SUGCT: variants seen among roughly 807,000 people sequenced by gnomAD.
SUGCT encodes the protein succinyl-CoA:glutarate-CoA transferase.
Under a neutral mutation model 55.0 loss-of-function variants are expected in SUGCT, and 41 were observed. The ratio of observed to expected loss-of-function variants is 0.74; its 90% confidence interval spans 0.58 to 0.97. The LOEUF (loss-of-function observed/expected upper bound fraction) is 0.97. Among genes scored for constraint, SUGCT ranks in the 50% least tolerant of loss-of-function variants. The pLI is 0.00. For missense variants in SUGCT, 568 were observed against 547.8 expected, an observed-to-expected ratio of 1.04 and a Z score of -0.37; for synonymous variants, 187 against 200.4, an observed-to-expected ratio of 0.93 and a Z score of 0.56.
At chr7:40,827,777 G>A (rs200160437) in intron 13 of SUGCT, among the ~76,000 whole-genome samples, 1 of 152,104 alleles carries the variant, frequency 6.6e-6, no homozygotes, top group African/African-American at 2.4e-5. Flanking sequence ...CTGGCAAAGG[G>A]AAAAAGCCAC....
chr7:40,710,640 A>G (rs559628739), intron 12 of SUGCT, among the ~76,000 whole-genome samples: 1 of 152,296 alleles, frequency 6.6e-6, no homozygotes, highest in Admixed American at 6.5e-5. Context: ...AACAAATGAG[A>G]AAAACTTTAT....
At chr7:40,983,266 T>TGAAA in the SUGCT span, among the ~76,000 whole-genome samples, 1 of 152,190 alleles carries the variant, frequency 6.6e-6, no homozygotes, top group Non-Finnish European at 1.5e-5. Flanking sequence ...CACCCCATGC[T>TGAAA]TGTTTACTGC....
chr7:40,142,798 A>G (rs1391651760), intron 1 of SUGCT, among the ~76,000 whole-genome samples: 3 of 152,214 alleles, frequency 2.0e-5, no homozygotes, highest in Non-Finnish European at 2.9e-5. Flanking sequence ...TTCTGCTAAT[A>G]TCATGTCTAA....
the SUGCT span, among the ~76,000 whole-genome samples, chr7:40,954,082 A>G: frequency 6.6e-6 from 1 of 152,206 alleles, no homozygotes; most frequent in East Asian, 1.9e-4. Flanking sequence ...GGCCTCCTTG[A>G]GCTGCAGTGG....
chr7:41,015,889 G>A, the SUGCT span, among the ~76,000 whole-genome samples: 1 of 152,170 alleles, frequency 6.6e-6, no homozygotes, highest in South Asian at 2.1e-4. Flanking sequence ...CCTGAATTGA[G>A]TGTTGCATGT....
chr7:40,990,664 C>T, the SUGCT span, among the ~76,000 whole-genome samples: 1 of 152,208 alleles, frequency 6.6e-6, no homozygotes, highest in Non-Finnish European at 1.5e-5. Flanking sequence ...GATGTTTAAT[C>T]CACATAGCAA....
intron 12 of SUGCT, among the ~76,000 whole-genome samples, chr7:40,639,862 T>G (rs560981115): frequency 5.1e-4 from 77 of 152,278 alleles, no homozygotes; most frequent in African/African-American, 1.8e-3. Context: ...GTAAAGGATG[T>G]CATTCAGTTT....
At chr7:40,810,535 CAT>C (rs1310473032) in intron 13 of SUGCT, among the ~76,000 whole-genome samples, 1 of 151,998 alleles carries the variant, frequency 6.6e-6, no homozygotes, top group Non-Finnish European at 1.5e-5. Flanking sequence ...AGCATTTTTT[CAT>C]ATGTTTGTTG....
intron 8 of SUGCT, among the ~76,000 whole-genome samples, chr7:40,313,474 ATAG>A (rs1336378934): frequency 6.6e-6 from 1 of 152,158 alleles, no homozygotes; most frequent in Non-Finnish European, 1.5e-5. Flanking sequence ...ATCCCTGTAA[ATAG>A]TAGATTACTT....
At chr7:40,562,286 G>C (rs923098339) in intron 12 of SUGCT, among the ~76,000 whole-genome samples, 2 of 144,572 alleles carry the variant, frequency 1.4e-5, no homozygotes, top group African/African-American at 5.3e-5. Context: ...GCGACAGAGC[G>C]AGATTCCGTC....
At chr7:40,324,806 ATTAGTGAGAATTCTTTTTTT>A (rs1304690254) in intron 9 of SUGCT, among the ~76,000 whole-genome samples, 1 of 152,166 alleles carries the variant, frequency 6.6e-6, no homozygotes, top group African/African-American at 2.4e-5. Flanking sequence ...TGAGTAGTTC[ATTAGTGAGAATTCTTTTTTT>A]ATGCTCTTTC....
In SUGCT at chr7:40,587,507, A is replaced by G. The variant is rs538718140; in HGVS notation, c.1089+91121A>G. Among the ~76,000 whole-genome samples the G allele has an allele frequency of 2.0e-5, 3 of 152,374 alleles. No homozygotes were observed. The East Asian group carries it at 5.8e-4, about 29-fold the overall frequency. ...AAAATGATGTAGAAATTAAAAATTC[A>G]TAAAAGTGATGTGTGTGTGTACCTA... is the stretch of plus-strand genomic sequence containing the variant. On this transcript the variant is annotated intron_variant, in intron 12 of 13. Transcript: ENST00000335693.
chr7:40,623,612 G>A (rs993159930), intron 12 of SUGCT, among the ~76,000 whole-genome samples: 1 of 152,034 alleles, frequency 6.6e-6, no homozygotes, highest in Non-Finnish European at 1.5e-5. Flanking sequence ...TAGAAAATAT[G>A]TACTATTTTA....
At chr7:40,680,568 A>T (rs1161346206) in intron 12 of SUGCT, among the ~76,000 whole-genome samples, 1 of 152,128 alleles carries the variant, frequency 6.6e-6, no homozygotes, top group Non-Finnish European at 1.5e-5. Context: ...GTCAAAAGGT[A>T]ATTATACTCT....
chr7:40,501,443 G>A (rs1459416484), intron 12 of SUGCT, among the ~76,000 whole-genome samples: 1 of 152,104 alleles, frequency 6.6e-6, no homozygotes, highest in Admixed American at 6.5e-5. Context: ...TATTATTTAA[G>A]AGGAAATGTT....
At chr7:40,707,851 T>G (rs1246917110) in intron 12 of SUGCT, among the ~76,000 whole-genome samples, 1 of 152,242 alleles carries the variant, frequency 6.6e-6, no homozygotes, top group African/African-American at 2.4e-5. Flanking sequence ...CTTCTTTTGT[T>G]AAAACTTGGT....
the SUGCT span, among the ~76,000 whole-genome samples, chr7:40,899,111 A>AGGAG: frequency 6.6e-6 from 1 of 152,116 alleles, no homozygotes; most frequent in African/African-American, 2.4e-5. Context: ...AACCTCTGAT[A>AGGAG]GGAGGGAAGG....
At chr7:41,021,042 C>T in the SUGCT span, among the ~76,000 whole-genome samples, 3 of 152,306 alleles carry the variant, frequency 2.0e-5, no homozygotes, top group African/African-American at 7.2e-5. Flanking sequence ...CATTGAATTA[C>T]CCACTCCGTG....
rs11982623 is a variant in SUGCT, at chr7:40,164,202, A to T, written c.101-16745A>T. ...GCAGTGGCGCAATATTGGCTTGCTTACTGCAACCTTCTCCTCCTGGGTTCA... is the reference window on the plus strand; with the variant it reads ...GCAGTGGCGCAATATTGGCTTGCTTTCTGCAACCTTCTCCTCCTGGGTTCA... On this transcript the variant is annotated intron_variant, in intron 1 of 13. Coordinates refer to ENST00000335693, the MANE Select transcript of SUGCT (RefSeq NM_001193313.2). Among the ~76,000 whole-genome samples, 182 of 147,446 alleles carry T rather than the reference A, an allele frequency of 1.2e-3. 2 individuals are homozygous for T. Among genetic ancestry groups the T allele is most frequent in the African/African-American group, 4.4e-3 (176 of 39,990 alleles).
Sources: allele counts gnomAD v4.1 joint callset (sites outside exome capture counted in the v4.1 genomes callset), GRCh38; gene constraint gnomAD v4.1.1; transcripts MANE v1.5; gene names NCBI Gene and HGNC (gene_info 2026-07-23, HGNC 2026-07-21).